TRAPPC9: variants seen among roughly 807,000 people sequenced by gnomAD.
TRAPPC9 encodes the protein trafficking protein particle complex subunit 9.
Under a neutral mutation model 124.0 loss-of-function variants are expected in TRAPPC9, and 83 were observed. The observed-to-expected ratio is 0.67, with a 90% CI of 0.56 to 0.80. The LOEUF is 0.80. TRAPPC9 is among the 30% of genes least tolerant of loss of function. The pLI is 0.00. For missense variants in TRAPPC9, 1,302 were observed against 1,508.3 expected (o/e 0.86, Z 2.27); for synonymous variants, 638 against 617.5 (o/e 1.03, Z -0.49).
chr8:139,835,646 C>T (rs941146796), intron 21 of TRAPPC9, among the ~76,000 whole-genome samples: 5 of 152,176 alleles, frequency 3.3e-5, no homozygotes, highest in African/African-American at 9.7e-5. Flanking sequence ...AGACAAGAGA[C>T]ACTGCTGCCA....
chr8:140,071,990 G>A (rs772002610), intron 17 of TRAPPC9, among the ~76,000 whole-genome samples: 7 of 152,250 alleles, frequency 4.6e-5, no homozygotes, highest in South Asian at 2.1e-4. Flanking sequence ...CTCAACTGAC[G>A]CAGAAAAAGC....
chr8:139,933,346 T>A (rs1365328333), intron 19 of TRAPPC9: 2 of 152,264 alleles, frequency 1.3e-5, no homozygotes, highest in Non-Finnish European at 2.9e-5. Context: ...TACGCAGTGC[T>A]GATAGAACCA....
intron 15 of TRAPPC9, among the ~76,000 whole-genome samples, chr8:140,270,948 A>C (rs2064859452): frequency 6.6e-6 from 1 of 152,196 alleles, no homozygotes; most frequent in Admixed American, 6.5e-5. Flanking sequence ...GCAGGTGAAG[A>C]CTTTTGCTTC....
At chr8:139,732,316 C>T in intron 21 of TRAPPC9, 114 bp from the exon 22 acceptor site, 2 of 983,490 alleles carry the variant, frequency 2.0e-6, no homozygotes, top group Non-Finnish European at 3.0e-6. Flanking sequence ...TCAAGGCTGC[C>T]ACCCACTCCC....
At position 139,845,799 on chromosome 8, in the gene TRAPPC9, C is replaced by G. The variant is rs185209020; in HGVS notation, c.3055+40080G>C. Among the ~76,000 whole-genome samples the G allele has an allele frequency of 3.5e-4, 54 of 152,350 alleles. 1 individual carries two copies. The East Asian group carries it at 0.01, about 28-fold the overall frequency. ...GTGAGCTTTACTGAAGCCACTATTA[C>G]TCGGGGGTTTCTGCTACTTGCAGCC... On this transcript the variant is annotated intron_variant, in intron 21 of 22. Coordinates refer to ENST00000438773, the MANE Select transcript of TRAPPC9 (RefSeq NM_001160372.4).
At chr8:140,046,933 T>C (rs1841635249) in intron 17 of TRAPPC9, among the ~76,000 whole-genome samples, 1 of 152,210 alleles carries the variant, frequency 6.6e-6, no homozygotes, top group African/African-American at 2.4e-5. Flanking sequence ...CCTTATTCTG[T>C]AGGCCTGTTC....
At chr8:140,382,678 G>C (rs1179852729) in intron 7 of TRAPPC9, among the ~76,000 whole-genome samples, 1 of 152,142 alleles carries the variant, frequency 6.6e-6, no homozygotes, top group East Asian at 1.9e-4. Context: ...GAACTGGGTG[G>C]AGCCCAACAC....
At chr8:139,948,904 C>T (rs1404119249) in intron 19 of TRAPPC9, among the ~76,000 whole-genome samples, 3 of 152,108 alleles carry the variant, frequency 2.0e-5, no homozygotes, top group Non-Finnish European at 4.4e-5. Flanking sequence ...TGGGGAAACC[C>T]TGTCTCTACT....
intron 2 of TRAPPC9, among the ~76,000 whole-genome samples, chr8:140,440,833 A>G (rs953422212): frequency 3.3e-5 from 5 of 151,704 alleles, no homozygotes. Context: ...AAGTCCCCCA[A>G]CCTCAGGCTC....
intron 17 of TRAPPC9, among the ~76,000 whole-genome samples, chr8:140,137,350 C>A (rs559498815): frequency 4.0e-4 from 61 of 151,016 alleles, no homozygotes; most frequent in Non-Finnish European, 7.9e-4. Flanking sequence ...AGGAGGTCTG[C>A]GTAATTAGTA....
intron 21 of TRAPPC9, among the ~76,000 whole-genome samples, chr8:139,839,983 T>G (rs1169638586): frequency 6.6e-6 from 1 of 152,246 alleles, no homozygotes; most frequent in Non-Finnish European, 1.5e-5. Context: ...AATGACTTTA[T>G]TTCTGTAGTG....
intron 21 of TRAPPC9, among the ~76,000 whole-genome samples, chr8:139,857,090 G>A (rs528439664): frequency 2.6e-5 from 2 of 75,828 alleles, no homozygotes; most frequent in South Asian, 4.5e-4. Flanking sequence ...GCAGAAAGGT[G>A]CCCAGGGCAC....
chr8:139,864,767 A>T (rs901764290), intron 21 of TRAPPC9, among the ~76,000 whole-genome samples: 41 of 152,326 alleles, frequency 2.7e-4, no homozygotes, highest in African/African-American at 8.9e-4. Flanking sequence ...GAGGTGAAGA[A>T]GTCTCAGCAA....
chr8:140,282,426 C>G (rs1388522260), intron 14 of TRAPPC9, among the ~76,000 whole-genome samples: 1 of 151,772 alleles, frequency 6.6e-6, no homozygotes, highest in Admixed American at 6.6e-5. Flanking sequence ...TTGCTTGAAC[C>G]CGGGAGGTGA....
At chr8:140,400,064 A>G (rs532988603) in intron 6 of TRAPPC9, among the ~76,000 whole-genome samples, 1 of 152,178 alleles carries the variant, frequency 6.6e-6, no homozygotes, top group Non-Finnish European at 1.5e-5. Flanking sequence ...CATCCATGTA[A>G]GACGGGACTT....
chr8:139,930,761 C>T (rs1033876185), intron 19 of TRAPPC9, among the ~76,000 whole-genome samples: 1 of 152,210 alleles, frequency 6.6e-6, no homozygotes, highest in Non-Finnish European at 1.5e-5. Flanking sequence ...AGCCTCATTC[C>T]ACCGCTGTCT....
intron 19 of TRAPPC9, among the ~76,000 whole-genome samples, chr8:139,957,374 G>A (rs2614735): frequency 0.89 from 135,237 of 152,298 alleles, 60,194 homozygotes; most frequent in East Asian, 0.99. Context: ...ATCGCTCTAC[G>A]TGTAGCCTTT....
chr8:139,949,873 C>T (rs926429106), intron 19 of TRAPPC9, among the ~76,000 whole-genome samples: 2 of 152,090 alleles, frequency 1.3e-5, no homozygotes, highest in African/African-American at 2.4e-5. Flanking sequence ...AATGAGTTAA[C>T]GAGCTGTAAA....
chr8:140,420,675 TA>T (rs890234313), intron 5 of TRAPPC9, among the ~76,000 whole-genome samples: 7 of 152,134 alleles, frequency 4.6e-5, no homozygotes, highest in Admixed American at 4.6e-4. Flanking sequence ...AGTTATTTTT[TA>T]AACATGCACA....
Sources: gnomAD v4.1 joint callset for allele counts (sites outside exome capture counted in the v4.1 genomes callset) on GRCh38, gnomAD v4.1.1 for gene constraint, MANE v1.5 for transcripts, NCBI Gene and HGNC (gene_info 2026-07-23, HGNC 2026-07-21) for gene names.